The following KCNQ5 variants were observed in gnomAD, a reference collection of about 807,000 sequenced individuals.
KCNQ5 encodes potassium voltage-gated channel subfamily KQT member 5.
Under a neutral mutation model 98.2 loss-of-function variants are expected in KCNQ5, and 30 were observed. The ratio of observed to expected loss-of-function variants is 0.31; its 90% CI spans 0.23 to 0.41. The LOEUF is 0.41. KCNQ5 is among the 10% of genes least tolerant of loss of function. The pLI, the probability that KCNQ5 is intolerant of heterozygous loss-of-function variation, is 1.00. For synonymous variants in KCNQ5, 458 were observed against 449.4 expected (o/e 1.02, Z -0.24); for missense variants, 835 against 1,182.5 (o/e 0.71, Z 4.31).
At chr6:72,913,670 C>T (rs1042730565) in intron 1 of KCNQ5, among the ~76,000 whole-genome samples, 1 of 152,186 alleles carries the variant, frequency 6.6e-6, no homozygotes, top group African/African-American at 2.4e-5. Flanking sequence ...AATCTGTAGA[C>T]ATTTTAAACA....
chr6:73,002,664 G>T (rs1769636334), intron 1 of KCNQ5, among the ~76,000 whole-genome samples: 1 of 152,078 alleles, frequency 6.6e-6, no homozygotes, highest in African/African-American at 2.4e-5. Flanking sequence ...ATAGTCAGGG[G>T]TCAACAAACA....
At chr6:72,706,382 C>T (rs1769082476) in intron 1 of KCNQ5, among the ~76,000 whole-genome samples, 1 of 151,672 alleles carries the variant, frequency 6.6e-6, no homozygotes, top group African/African-American at 2.4e-5. Context: ...TTAAAAGATG[C>T]CTTGCTTTGC....
chr6:72,852,724 A>G (rs1777330186), intron 1 of KCNQ5, among the ~76,000 whole-genome samples: 1 of 143,732 alleles, frequency 7.0e-6, no homozygotes, highest in African/African-American at 2.6e-5. Flanking sequence ...TAAAAAAAAG[A>G]TAAAATAATT....
intron 1 of KCNQ5, among the ~76,000 whole-genome samples, chr6:72,831,698 T>G (rs1396651424): frequency 1.3e-5 from 2 of 150,872 alleles, no homozygotes; most frequent in Non-Finnish European, 2.9e-5. Context: ...CTGCACATTG[T>G]GCACATGTAC....
intron 2 of KCNQ5, among the ~76,000 whole-genome samples, chr6:73,009,690 G>A (rs1185276549): frequency 6.6e-6 from 1 of 152,104 alleles, no homozygotes; most frequent in Non-Finnish European, 1.5e-5. Context: ...ATGGAAATGG[G>A]AATATTGCTA....
chr6:72,899,015 A>C (rs1016978995), intron 1 of KCNQ5, among the ~76,000 whole-genome samples: 2 of 151,986 alleles, frequency 1.3e-5, no homozygotes, highest in Non-Finnish European at 2.9e-5. Flanking sequence ...CCAGTTTTTG[A>C]TAGGGTTCTT....
intron 10 of KCNQ5, among the ~76,000 whole-genome samples, chr6:73,150,475 ATAT>A (rs1016188612): frequency 6.7e-4 from 96 of 144,002 alleles, no homozygotes; most frequent in South Asian, 3.2e-3. Context: ...TATATTACAT[ATAT>A]TATTATATTA....
intron 1 of KCNQ5, among the ~76,000 whole-genome samples, chr6:72,921,897 A>C (rs1199853623): frequency 6.6e-6 from 1 of 152,148 alleles, no homozygotes; most frequent in East Asian, 1.9e-4. Context: ...GAATATATTA[A>C]CTTTGTCAGT....
intron 1 of KCNQ5, among the ~76,000 whole-genome samples, chr6:72,856,354 T>C (rs1049701397): frequency 6.6e-6 from 1 of 151,960 alleles, no homozygotes; most frequent in African/African-American, 2.4e-5. Context: ...TTTTTCATAA[T>C]TGGAAAATGT....
chr6:73,008,720 T>A (rs1769926927), intron 2 of KCNQ5, among the ~76,000 whole-genome samples: 1 of 152,040 alleles, frequency 6.6e-6, no homozygotes, highest in Admixed American at 6.5e-5. Context: ...AGAAGATAAG[T>A]AAGAAAACAG....
chr6:72,737,755 T>C (rs977458653), intron 1 of KCNQ5, among the ~76,000 whole-genome samples: 1 of 152,176 alleles, frequency 6.6e-6, no homozygotes, highest in Non-Finnish European at 1.5e-5. Context: ...ATAATACTTA[T>C]AGGTAAGTAT....
Position 73,195,150 on chromosome 6 carries a change from A to G in KCNQ5, c.2535A>G (p.Gln845=), listed in dbSNP as rs1765742078. 3 of 1,614,062 alleles carry G rather than the reference A, an allele frequency of 1.9e-6. No homozygotes were observed. Among genetic ancestry groups the G allele is most frequent in the Admixed American group, 1.7e-5 (1 of 60,008 alleles). ...GGTCGACCGAGGAACTGAATATACA[A>G]CTTTCAGGGAGTGAGTCAAGTGGCT... ...LIRSTEELNI[Q]LSGSESSGSR... The change falls in exon 14 of 14, where the codon CAA becomes CAG. Residue 845 remains glutamine (Q), a synonymous_variant. Coordinates refer to ENST00000370398, the MANE Select transcript of KCNQ5 (RefSeq NM_019842.4).
intron 1 of KCNQ5, among the ~76,000 whole-genome samples, chr6:72,721,496 C>T (rs1353439477): frequency 6.6e-6 from 1 of 151,714 alleles, no homozygotes; most frequent in African/African-American, 2.4e-5. Context: ...TGTCATAGCC[C>T]AGCATTTCCC....
At chr6:73,037,214 T>C (rs1044067543) in intron 2 of KCNQ5, among the ~76,000 whole-genome samples, 1 of 152,206 alleles carries the variant, frequency 6.6e-6, no homozygotes, top group Non-Finnish European at 1.5e-5. Flanking sequence ...CTAATTGAGT[T>C]TTTGGTTTTT....
intron 1 of KCNQ5, among the ~76,000 whole-genome samples, chr6:72,731,251 C>T (rs1422795994): frequency 1.3e-5 from 2 of 152,118 alleles, no homozygotes; most frequent in South Asian, 2.1e-4. Context: ...CCAAGGAAAG[C>T]CACCAGATTT....
chr6:72,920,300 G>A (rs9351955), intron 1 of KCNQ5, among the ~76,000 whole-genome samples: 4 of 151,954 alleles, frequency 2.6e-5, no homozygotes, highest in African/African-American at 4.8e-5. Flanking sequence ...TCAAAAAAAG[G>A]GGGGAGGGGG....
intron 7 of KCNQ5, among the ~76,000 whole-genome samples, chr6:73,113,905 C>T (rs548188227): frequency 6.6e-6 from 1 of 152,256 alleles, no homozygotes; most frequent in South Asian, 2.1e-4. Context: ...GAAGTAAAAT[C>T]GTGAGTTTTT....
At position 72,655,017 on chromosome 6, in the gene KCNQ5, G is replaced by GGTCT. The variant is rs200156574; in HGVS notation, c.398+32439_398+32442dup. ...TTTTGTTTCCATGTTTAATAGCCAA[G>GGTCT]GTCTGTCTGTCTTTCTTTCTTTCTT... is the stretch of plus-strand genomic sequence containing the variant. On this transcript the variant is annotated intron_variant, in intron 1 of 13. Transcript: ENST00000370398. Among the ~76,000 whole-genome samples, 195 of 107,526 alleles carry GGTCT rather than the reference G, an allele frequency of 1.8e-3. 2 individuals carry two copies. Among genetic ancestry groups the GGTCT allele is most frequent in the South Asian group, 7.4e-3 (23 of 3,116 alleles). The allele number at this position is 107,526 out of a possible 152,430, so 70.5% of individuals were successfully genotyped here. A position where few individuals can be genotyped will look rare whatever the true frequency, so the allele number is the denominator to read the frequency against.
At chr6:73,086,484 C>A (rs6453627) in intron 5 of KCNQ5, among the ~76,000 whole-genome samples, 20,421 of 152,062 alleles carry the variant, frequency 0.13, 2,595 homozygotes, top group African/African-American at 0.34. Flanking sequence ...TTCAGTCTCA[C>A]CCTCTCTACA....
Sources: gnomAD v4.1 joint callset for allele counts (sites outside exome capture counted in the v4.1 genomes callset) on GRCh38, gnomAD v4.1.1 for gene constraint, MANE v1.5 for transcripts, NCBI Gene and HGNC (gene_info 2026-07-23, HGNC 2026-07-21) for gene names.